The following KCNJ15 variants were observed in gnomAD, a reference collection of about 807,000 sequenced individuals.
The protein encoded by KCNJ15 is ATP-sensitive inward rectifier potassium channel 15.
In KCNJ15, 14 loss-of-function variants were observed where a neutral mutation model predicts 23.0. The observed-to-expected ratio is 0.61, with a 90% CI of 0.40 to 0.95. The LOEUF (loss-of-function observed/expected upper bound fraction) is 0.95. Among genes scored for constraint, KCNJ15 ranks in the 40% least tolerant of loss-of-function variants. KCNJ15 has a pLI of 0.00. For synonymous variants in KCNJ15, 185 were observed against 183.2 expected, an observed-to-expected ratio of 1.01 and a Z score of -0.08; for missense variants, 388 against 461.8, an observed-to-expected ratio of 0.84 and a Z score of 1.46.
At chr21:38,259,934 C>T (rs1980702718) in intron 1 of KCNJ15, among the ~76,000 whole-genome samples, 1 of 152,100 alleles carries the variant, frequency 6.6e-6, no homozygotes, top group Admixed American at 6.5e-5. Flanking sequence ...GACAAGCAAT[C>T]TAAGAAGTGC....
intron 1 of KCNJ15, among the ~76,000 whole-genome samples, chr21:38,234,506 G>T (rs1037283344): frequency 1.3e-5 from 2 of 152,180 alleles, no homozygotes; most frequent in Non-Finnish European, 2.9e-5. Flanking sequence ...GTAATTAAGA[G>T]ACTTTGTAAC....
chr21:38,281,096 T>C (rs1192831761), intron 1 of KCNJ15, among the ~76,000 whole-genome samples: 6 of 152,134 alleles, frequency 3.9e-5, no homozygotes, highest in Admixed American at 6.5e-5. Flanking sequence ...GCAGACCTTT[T>C]GAATAATAAT....
At chr21:38,242,598 A>C (rs189605349) in intron 1 of KCNJ15, among the ~76,000 whole-genome samples, 59 of 152,198 alleles carry the variant, frequency 3.9e-4, no homozygotes, top group African/African-American at 1.3e-3. Flanking sequence ...GTCTTTCCCT[A>C]AGCCCTTGCC....
intron 1 of KCNJ15, among the ~76,000 whole-genome samples, chr21:38,246,912 C>G (rs964536036): frequency 2.6e-5 from 4 of 152,180 alleles, no homozygotes; most frequent in South Asian, 2.1e-4. Flanking sequence ...TGACAGGAAA[C>G]TTTCAAAGTT....
chr21:38,265,645 C>T lies in KCNJ15; in HGVS notation c.-117+8460C>T, dbSNP rs140972462. On this transcript the variant is annotated intron_variant, in intron 1 of 2. Transcript: ENST00000398938. ...CTCTGCAGGAGGCTGGGTGGTCCGT[C>T]TTATGTCGATTTAGAAGATATAAGT... Among the ~76,000 whole-genome samples the T allele has an allele frequency of 2.0e-3, 306 of 152,296 alleles. 1 individual carries two copies. The highest frequency in any genetic ancestry group is 7.1e-3 in the African/African-American group (297 of 41,558).
chr21:38,232,137 GTT>G (rs60585699), intron 1 of KCNJ15, among the ~76,000 whole-genome samples: 14 of 145,712 alleles, frequency 9.6e-5, no homozygotes, highest in South Asian at 2.1e-4. Context: ...TTCATTAGAG[GTT>G]TTTTTTTTTT....
At chr21:38,267,921 G>T (rs1221091313) in intron 1 of KCNJ15, among the ~76,000 whole-genome samples, 1 of 152,124 alleles carries the variant, frequency 6.6e-6, no homozygotes, top group East Asian at 1.9e-4. Context: ...GCTTAGCTTG[G>T]AGAGGGGGTT....
At chr21:38,259,617 A>G (rs1227568000) in intron 1 of KCNJ15, among the ~76,000 whole-genome samples, 1 of 152,194 alleles carries the variant, frequency 6.6e-6, no homozygotes, top group Non-Finnish European at 1.5e-5. Context: ...TTGCTTATTC[A>G]TGGGCAAATA....
rs1271403685 is a variant in KCNJ15, at chr21:38,302,298, T to C, written c.*1909T>C. On this transcript the variant is annotated 3_prime_UTR_variant, in exon 3 of 3. Coordinates refer to ENST00000398938, the MANE Select transcript of KCNJ15 (RefSeq NM_170736.3). Reference sequence around the variant, plus strand: ...ATAGATTACAGCAAATCTGGATATATATTGATGTTACTGCATTTGCAAATG... The same window carrying C: ...ATAGATTACAGCAAATCTGGATATACATTGATGTTACTGCATTTGCAAATG... 6.6e-6 allele frequency: 1 copy of C among 152,218 alleles called. No individual in the cohort carries two copies. The highest frequency in any genetic ancestry group is 1.5e-5 in the Non-Finnish European group (1 of 68,034). 9.4% of individuals were successfully genotyped at this position (152,218 alleles called of 1,614,324 possible).
intron 1 of KCNJ15, among the ~76,000 whole-genome samples, chr21:38,288,621 C>T (rs1288614414): frequency 6.6e-6 from 1 of 152,012 alleles, no homozygotes; most frequent in Non-Finnish European, 1.5e-5. Flanking sequence ...GTGCCTTCAT[C>T]GTAGTGCAAA....
At chr21:38,267,847 C>T (rs1981625868) in intron 1 of KCNJ15, among the ~76,000 whole-genome samples, 1 of 152,164 alleles carries the variant, frequency 6.6e-6, no homozygotes, top group African/African-American at 2.4e-5. Flanking sequence ...ACCTATTCCC[C>T]TTCCTCCTCA....
rs182594560 is a variant in KCNJ15, at chr21:38,241,571, G to A, written c.-398-15475G>A. Among the ~76,000 whole-genome samples the A allele has an allele frequency of 5.4e-4, 83 of 152,312 alleles. 1 individual carries two copies. The highest frequency in any genetic ancestry group is 1.9e-3 in the African/African-American group (81 of 41,572). ...AATTTGTTACAGTGTGAAATGCTGAGGCAACTACCTAAATAAATCTGGGCA... is the reference window on the plus strand; with the variant it reads ...AATTTGTTACAGTGTGAAATGCTGAAGCAACTACCTAAATAAATCTGGGCA... On this transcript the variant is annotated intron_variant, in intron 1 of 4. Transcript: ENST00000547341.
At chr21:38,242,064 A>G (rs1198876845) in intron 1 of KCNJ15, among the ~76,000 whole-genome samples, 2 of 149,876 alleles carry the variant, frequency 1.3e-5, no homozygotes, top group African/African-American at 4.9e-5. Context: ...GCGGCTTTCC[A>G]CTGTCCAGAG....
chr21:38,263,221 G>T (rs541981910), intron 1 of KCNJ15, among the ~76,000 whole-genome samples: 13 of 152,116 alleles, frequency 8.5e-5, no homozygotes, highest in African/African-American at 2.4e-4. Context: ...AACTGGGGGA[G>T]AACTCTCAGA....
At chr21:38,273,049 TAA>T (rs1460504245) in intron 1 of KCNJ15, among the ~76,000 whole-genome samples, 1 of 152,232 alleles carries the variant, frequency 6.6e-6, no homozygotes, top group African/African-American at 2.4e-5. Flanking sequence ...GAGTTAGCAC[TAA>T]GTTTTAAGCC....
At chr21:38,278,875 GT>G (rs1452413526) in intron 1 of KCNJ15, among the ~76,000 whole-genome samples, 1 of 152,206 alleles carries the variant, frequency 6.6e-6, no homozygotes, top group Non-Finnish European at 1.5e-5. Flanking sequence ...TGAGGCTTTG[GT>G]TTGTAGACAA....
At chr21:38,277,153 T>C (rs1982803337) in intron 1 of KCNJ15, among the ~76,000 whole-genome samples, 1 of 152,046 alleles carries the variant, frequency 6.6e-6, no homozygotes, top group Non-Finnish European at 1.5e-5. Context: ...TTGACAATGG[T>C]CTTTCCAAAT....
In KCNJ15 at chr21:38,307,208, C is replaced by T. The variant is rs1986087092; in HGVS notation, c.*6819C>T. On this transcript the variant is annotated 3_prime_UTR_variant, in exon 3 of 3. Transcript: ENST00000398938. ...ATGACCAGACAGCTTTAAATACCTA[C>T]TTTTGTATGCTATGAATTCATCCGT... 1 of 152,206 alleles carries T rather than the reference C, an allele frequency of 6.6e-6. No individual in the cohort carries two copies. Among genetic ancestry groups the T allele is most frequent in the Non-Finnish European group, 1.5e-5 (1 of 68,034 alleles). 9.4% of individuals were successfully genotyped at this position (152,206 alleles called of 1,614,324 possible).
chr21:38,262,234 C>T (rs1056059969), intron 1 of KCNJ15, among the ~76,000 whole-genome samples: 3 of 152,142 alleles, frequency 2.0e-5, no homozygotes, highest in African/African-American at 7.2e-5. Flanking sequence ...CTCTTCCTAC[C>T]AACGCCATTC....
Sources: allele counts gnomAD v4.1 joint callset (sites outside exome capture counted in the v4.1 genomes callset), GRCh38; gene constraint gnomAD v4.1.1; transcripts MANE v1.5; gene names NCBI Gene and HGNC (gene_info 2026-07-23, HGNC 2026-07-21).